Variants in KIF26B observed in about 807,000 individuals in gnomAD.
KIF26B encodes kinesin-like protein KIF26B.
Under a neutral mutation model 151.2 loss-of-function variants are expected in KIF26B, and 63 were observed. The ratio of observed to expected loss-of-function variants is 0.42; its 90% CI spans 0.34 to 0.51. The LOEUF (loss-of-function observed/expected upper bound fraction) is 0.51, where lower values mean the gene tolerates loss of function less well. Among genes scored for constraint, KIF26B ranks in the 20% least tolerant of loss-of-function variants. KIF26B has a pLI of 0.07. For missense variants in KIF26B, 2,813 were observed against 2,913.6 expected (o/e 0.97, Z 0.79); for synonymous variants, 1,357 against 1,262.1 (o/e 1.08, Z -1.59).
At position 245,295,267 on chromosome 1, in the gene KIF26B, C is replaced by G. The variant is rs571334538; in HGVS notation, c.466-71567C>G. Among the ~76,000 whole-genome samples, 9 of 152,290 alleles carry G rather than the reference C, an allele frequency of 5.9e-5. No individual in the cohort carries two copies. The South Asian group carries it at 1.9e-3, about 32-fold the overall frequency. On this transcript the variant is annotated intron_variant, in intron 2 of 14. Coordinates refer to ENST00000407071, the MANE Select transcript of KIF26B (RefSeq NM_018012.4). ...TTTTAGCTGAATTATTTTGATACTTCAGTTCAACAAATGGTCAATTCAGTC... is the reference window on the plus strand; with the variant it reads ...TTTTAGCTGAATTATTTTGATACTTGAGTTCAACAAATGGTCAATTCAGTC...
At chr1:245,307,586 C>CA (rs1482654158) in intron 2 of KIF26B, among the ~76,000 whole-genome samples, 2 of 152,190 alleles carry the variant, frequency 1.3e-5, no homozygotes, top group Non-Finnish European at 2.9e-5. Context: ...CTGTGTCTAA[C>CA]AAATGCTGGC....
At chr1:245,672,634 A>G (rs906712178) in intron 10 of KIF26B, among the ~76,000 whole-genome samples, 1 of 152,190 alleles carries the variant, frequency 6.6e-6, no homozygotes, top group African/African-American at 2.4e-5. Flanking sequence ...CAAATGCAAC[A>G]GCTGCTTGGG....
chr1:245,207,073 A>G (rs1259170442), intron 2 of KIF26B, among the ~76,000 whole-genome samples: 3 of 152,314 alleles, frequency 2.0e-5, no homozygotes, highest in Admixed American at 2.0e-4. Flanking sequence ...TAAGCCTAGC[A>G]AGGTACTTGG....
chr1:245,607,203 A>G (rs1040001577), intron 6 of KIF26B, among the ~76,000 whole-genome samples: 3 of 152,180 alleles, frequency 2.0e-5, no homozygotes, highest in African/African-American at 7.2e-5. Context: ...TCACTTGTGA[A>G]ATGGTGGGTC....
chr1:245,372,540 C>T (rs1673153061), intron 3 of KIF26B, among the ~76,000 whole-genome samples: 1 of 152,110 alleles, frequency 6.6e-6, no homozygotes, highest in Non-Finnish European at 1.5e-5. Context: ...CCCAAGTAGG[C>T]CCAGTGTCTA....
intron 2 of KIF26B, among the ~76,000 whole-genome samples, chr1:245,312,313 T>C (rs1211768615): frequency 1.3e-5 from 2 of 152,216 alleles, no homozygotes; most frequent in East Asian, 3.8e-4. Flanking sequence ...TTTTAATTTG[T>C]TTAGCTCTCT....
rs145979266 is a variant in KIF26B at position 245,495,812 on chromosome 1, A to G, written c.1167-44955A>G. 1.8e-3 allele frequency among the ~76,000 whole-genome samples: 277 copies of G among 152,344 alleles called. 6 individuals carry two copies. The East Asian group carries it at 0.044, about 24-fold the overall frequency. ...AAAACAAAAGCCAAGGAGAAAAATG[A>G]TTAAAGCCGTGAGAAAAAAATTCAT... On this transcript the variant is annotated intron_variant, in intron 4 of 14. Coordinates refer to ENST00000407071, the MANE Select transcript of KIF26B (RefSeq NM_018012.4). The surrounding 1 kb of genome is among the most constrained non-coding windows in gnomAD (Gnocchi z 4.2).
chr1:245,490,544 C>T (rs1446796893), intron 4 of KIF26B, among the ~76,000 whole-genome samples: 2 of 152,096 alleles, frequency 1.3e-5, no homozygotes, highest in East Asian at 1.9e-4. Context: ...ATCTCCTGAC[C>T]TCGTGATCCA....
At chr1:245,646,517 A>C (rs2043948982) in intron 10 of KIF26B, among the ~76,000 whole-genome samples, 1 of 152,178 alleles carries the variant, frequency 6.6e-6, no homozygotes, top group South Asian at 2.1e-4. Context: ...AATTAGAGGA[A>C]ATAGGAAATT....
At chr1:245,596,623 G>T (rs1475143508) in intron 5 of KIF26B, among the ~76,000 whole-genome samples, 1 of 152,184 alleles carries the variant, frequency 6.6e-6, no homozygotes, top group Non-Finnish European at 1.5e-5. Context: ...GTTGATTTGG[G>T]TTGGAGAGTT....
At chr1:245,165,866 T>A (rs1031256429) in intron 2 of KIF26B, among the ~76,000 whole-genome samples, 1 of 152,126 alleles carries the variant, frequency 6.6e-6, no homozygotes, top group Admixed American at 6.6e-5. Flanking sequence ...GTTGGAAGAA[T>A]TTCTGGTGCC....
intron 4 of KIF26B, among the ~76,000 whole-genome samples, chr1:245,456,214 G>A (rs908475653): frequency 3.9e-5 from 6 of 152,148 alleles, no homozygotes; most frequent in Admixed American, 3.3e-4. Context: ...ATAAATATCC[G>A]TGAAGACTCT....
At chr1:245,295,520 C>T (rs1366275055) in intron 2 of KIF26B, among the ~76,000 whole-genome samples, 1 of 152,162 alleles carries the variant, frequency 6.6e-6, no homozygotes, top group Admixed American at 6.5e-5. Context: ...AAATCATAAT[C>T]CCTGCCTCTC....
intron 2 of KIF26B, among the ~76,000 whole-genome samples, chr1:245,243,443 TATATACAC>T (rs1230853753): frequency 1.4e-5 from 2 of 143,430 alleles, no homozygotes; most frequent in Non-Finnish European, 3.1e-5. Context: ...TACATATATA[TATATACAC>T]ACACACACAC....
intron 2 of KIF26B, among the ~76,000 whole-genome samples, chr1:245,252,857 A>T (rs988384859): frequency 6.6e-6 from 1 of 152,186 alleles, no homozygotes; most frequent in Non-Finnish European, 1.5e-5. Context: ...GCCATTAAGT[A>T]TGATGTTCAC....
intron 3 of KIF26B, among the ~76,000 whole-genome samples, chr1:245,381,926 G>C (rs987652687): frequency 6.6e-6 from 1 of 152,172 alleles, no homozygotes; most frequent in Non-Finnish European, 1.5e-5. Context: ...TAAGGGCTGA[G>C]TAGTATGCTG....
chr1:245,652,133 TGTGTGTGTGTGTGAGA>T (rs900023026), intron 10 of KIF26B, among the ~76,000 whole-genome samples: 20 of 139,334 alleles, frequency 1.4e-4, no homozygotes, highest in African/African-American at 5.9e-4. Flanking sequence ...TGTGTGTGTG[TGTGTGTGTGTGTGAGA>T]GAGACATATG....
intron 5 of KIF26B, among the ~76,000 whole-genome samples, chr1:245,569,471 A>G (rs2043043212): frequency 6.6e-6 from 1 of 152,102 alleles, no homozygotes; most frequent in African/African-American, 2.4e-5. Flanking sequence ...TTAGCCGGGC[A>G]TCGTGGCAGG....
intron 4 of KIF26B, among the ~76,000 whole-genome samples, chr1:245,514,966 A>G (rs1165392296): frequency 6.6e-6 from 1 of 152,214 alleles, no homozygotes; most frequent in Non-Finnish European, 1.5e-5. Flanking sequence ...TCTCTCAGAC[A>G]CTTTCCAACA....
Sources: allele counts gnomAD v4.1 joint callset (sites outside exome capture counted in the v4.1 genomes callset), GRCh38; gene constraint gnomAD v4.1.1; non-coding constraint Gnocchi (gnomAD v3.1); transcripts MANE v1.5; gene names NCBI Gene and HGNC (gene_info 2026-07-23, HGNC 2026-07-21).